Variants in MAP4K3 observed in about 807,000 individuals in gnomAD.
MAP4K3 encodes MAPK/ERK kinase kinase kinase 3.
MAP4K3 carries 94 observed loss-of-function variants against 143.5 expected under a neutral mutation model. That is an observed-to-expected ratio of 0.65 (90% confidence interval 0.55 to 0.78). The LOEUF (loss-of-function observed/expected upper bound fraction) is 0.78. Ranked by LOEUF, MAP4K3 falls within the 30% of genes least tolerant of loss-of-function variation. MAP4K3 has a pLI of 0.00. For synonymous variants in MAP4K3, 416 were observed against 347.2 expected, an observed-to-expected ratio of 1.20 and a Z score of -2.20; for missense variants, 1,077 against 1,068.1, an observed-to-expected ratio of 1.01 and a Z score of -0.12.
chr2:39,319,652 G>C (rs997254009), intron 12 of MAP4K3, among the ~76,000 whole-genome samples: 1 of 152,082 alleles, frequency 6.6e-6, no homozygotes, highest in Admixed American at 6.6e-5. Flanking sequence ...AAAATCAAGA[G>C]TCTAAATATT....
At position 39,338,313 on chromosome 2, in the gene MAP4K3, A is replaced by G. The variant is rs552579577; in HGVS notation, c.311-732T>C. On this transcript the variant is annotated intron_variant, in intron 4 of 33. Transcript: ENST00000263881. Reference sequence around the variant, plus strand: ...GCTTTTTAGTTGATATAGAACATGTATTATGACTAGTTTTAAATCAATACT... The same window carrying G: ...GCTTTTTAGTTGATATAGAACATGTGTTATGACTAGTTTTAAATCAATACT... Among the ~76,000 whole-genome samples the G allele has an allele frequency of 2.0e-5, 3 of 152,330 alleles. No homozygotes were observed. In the South Asian group the frequency reaches 6.2e-4, roughly 32 times the overall value.
chr2:39,261,255 A>T (rs1336970650), intron 28 of MAP4K3: 1 of 152,324 alleles, frequency 6.6e-6, no homozygotes, highest in Non-Finnish European at 1.5e-5. Context: ...TAAATCAAAA[A>T]AAATTAGCTT....
intron 22 of MAP4K3, among the ~76,000 whole-genome samples, chr2:39,281,290 G>T (rs577076398): frequency 6.6e-6 from 1 of 152,190 alleles, no homozygotes; most frequent in Admixed American, 6.5e-5. Flanking sequence ...GACAATAATG[G>T]ATTAAAAATA....
At chr2:39,358,444 G>A (rs1558664548) in intron 2 of MAP4K3, among the ~76,000 whole-genome samples, 1 of 152,128 alleles carries the variant, frequency 6.6e-6, no homozygotes, top group Non-Finnish European at 1.5e-5. Context: ...TCATCCAATT[G>A]TTAGCATGTT....
At chr2:39,380,725 A>C (rs746209147) in intron 1 of MAP4K3, among the ~76,000 whole-genome samples, 46 of 152,298 alleles carry the variant, frequency 3.0e-4, no homozygotes, top group Middle Eastern at 3.4e-3. Context: ...CTGCAAGGGT[A>C]CAACACATCA....
intron 1 of MAP4K3, among the ~76,000 whole-genome samples, chr2:39,421,556 T>A (rs72931131): frequency 0.069 from 10,442 of 152,052 alleles, 1,223 homozygotes; most frequent in African/African-American, 0.24. Flanking sequence ...TTTCTGTATC[T>A]GTAAAATGGA....
chr2:39,390,772 T>TAA (rs5830564), intron 1 of MAP4K3, among the ~76,000 whole-genome samples: 11 of 149,130 alleles, frequency 7.4e-5, no homozygotes, highest in Admixed American at 6.7e-5. Context: ...ACATAAAAAT[T>TAA]AAAAAAAAAA....
At chr2:39,307,856 C>T (rs983795851) in intron 15 of MAP4K3, 87 bp downstream of exon 15, 5 of 1,023,650 alleles carry the variant, frequency 4.9e-6, no homozygotes, top group Admixed American at 2.8e-5. Flanking sequence ...TAAAACAATG[C>T]TTTAATTGGA....
chr2:39,355,836 G>C (rs1468411544), intron 3 of MAP4K3, among the ~76,000 whole-genome samples: 2 of 151,930 alleles, frequency 1.3e-5, no homozygotes, highest in Non-Finnish European at 2.9e-5. Flanking sequence ...TGAAGGAAAG[G>C]GATAAAGTAA....
chr2:39,292,307 G>A (rs922041347), intron 18 of MAP4K3, among the ~76,000 whole-genome samples: 1 of 152,134 alleles, frequency 6.6e-6, no homozygotes, highest in Non-Finnish European at 1.5e-5. Context: ...AACCCACAAT[G>A]TGATTATATT....
chr2:39,276,691 C>G (rs1681267561), intron 24 of MAP4K3, among the ~76,000 whole-genome samples: 1 of 152,206 alleles, frequency 6.6e-6, no homozygotes, highest in Non-Finnish European at 1.5e-5. Flanking sequence ...ACTGCGTGGA[C>G]ACATAGTAAG....
chr2:39,386,819 T>TG (rs1441073129), intron 1 of MAP4K3, among the ~76,000 whole-genome samples: 1 of 44,238 alleles, frequency 2.3e-5, no homozygotes, highest in Non-Finnish European at 5.3e-5. Flanking sequence ...TTTTTGTTGT[T>TG]CTTTTTTTTT....
intron 22 of MAP4K3, among the ~76,000 whole-genome samples, chr2:39,281,364 A>T (rs956864698): frequency 6.6e-6 from 1 of 152,326 alleles, no homozygotes; most frequent in South Asian, 2.1e-4. Context: ...ACCAAACAAT[A>T]TATCTTTAAA....
Position 39,288,146 on chromosome 2 carries a change from T to C in MAP4K3, c.1449A>G (p.Leu483=), listed in dbSNP as rs1037746454. 3 of 1,614,006 alleles carry C rather than the reference T, an allele frequency of 1.9e-6. No homozygotes were observed. The highest frequency in any genetic ancestry group is 1.7e-6 in the Non-Finnish European group (2 of 1,179,968). ...QVPPRPPPPR[L]PPHKPVALGN... Reference sequence around the variant, plus strand: ...CTAAGGCAACAGGTTTGTGTGGGGGTAATCTGGGAGGTGGTGGTCTAGGTG... The same window carrying C: ...CTAAGGCAACAGGTTTGTGTGGGGGCAATCTGGGAGGTGGTGGTCTAGGTG... Residue 483 remains leucine, a synonymous_variant, in exon 20 of 34, where the codon TTA becomes TTG. Transcript: ENST00000263881.
chr2:39,265,121 CT>C lies in MAP4K3; in HGVS notation c.2136+81del, dbSNP rs1208176588. 5.1e-6 allele frequency: 5 copies of C among 987,638 alleles called. No homozygotes were observed. In the African/African-American group the frequency reaches 8.2e-5, roughly 16 times the overall value. The allele number at this position is 987,638 out of a possible 1,614,324, so 61.2% of individuals were successfully genotyped here. Reference sequence around the variant, plus strand: ...ATCACTAAATTAACTTGAAAATTAACTGAAAAAAATGTTTCTTTAAAGAACA... The same window carrying C: ...ATCACTAAATTAACTTGAAAATTAACGAAAAAAATGTTTCTTTAAAGAACA... On this transcript the variant is annotated intron_variant, in intron 28 of 33. Transcript: ENST00000263881.
At chr2:39,394,296 A>T (rs929078593) in intron 1 of MAP4K3, among the ~76,000 whole-genome samples, 1 of 152,204 alleles carries the variant, frequency 6.6e-6, no homozygotes, top group African/African-American at 2.4e-5. Flanking sequence ...ATAAAGGAGG[A>T]GCCAGGGAAA....
At chr2:39,360,214 A>C (rs1202752070) in intron 2 of MAP4K3, among the ~76,000 whole-genome samples, 1 of 152,166 alleles carries the variant, frequency 6.6e-6, no homozygotes, top group Non-Finnish European at 1.5e-5. Context: ...CAGGGGCAAA[A>C]TGCCGCCACT....
intron 1 of MAP4K3, among the ~76,000 whole-genome samples, chr2:39,425,085 A>G (rs1228581204): frequency 6.6e-6 from 1 of 152,132 alleles, no homozygotes; most frequent in East Asian, 1.9e-4. Flanking sequence ...TTGGAAGGAC[A>G]GCCACAGTCT....
At chr2:39,324,748 T>C (rs1042081950) in intron 12 of MAP4K3, among the ~76,000 whole-genome samples, 34 of 152,198 alleles carry the variant, frequency 2.2e-4, no homozygotes, top group Middle Eastern at 3.2e-3. Context: ...ATGTCACATA[T>C]ACTGAATTTA....
Sources: allele counts gnomAD v4.1 joint callset (sites outside exome capture counted in the v4.1 genomes callset), GRCh38; gene constraint gnomAD v4.1.1; transcripts MANE v1.5; gene names NCBI Gene and HGNC (gene_info 2026-07-23, HGNC 2026-07-21).